Variants in LAMA5 observed in about 807,000 individuals in gnomAD.
LAMA5 encodes the protein laminin subunit alpha 5, also known as laminin subunit alpha-5.
Under a neutral mutation model 433.4 loss-of-function variants are expected in LAMA5, and 260 were observed. The ratio of observed to expected loss-of-function variants is 0.60; its 90% confidence interval spans 0.54 to 0.66. The LOEUF is 0.66. LAMA5 is among the 30% of genes least tolerant of loss of function. The pLI is 0.00. For synonymous variants in LAMA5, 2,620 were observed against 2,226.6 expected (o/e 1.18, Z -4.97); for missense variants, 5,378 against 5,258.5 (o/e 1.02, Z -0.70).
chr20:62,322,449 C>T lies in LAMA5; in HGVS notation c.6166G>A (p.Glu2056Lys). ...VTGRRCDRCQ[E>K]GHFGFDGCGG... ...CAGCCATCGAAACCAAAATGTCCCT[C>T]CTGTGGCACAGGCTGGTCACTGCCC... Residue 2056 changes from glutamate (E) to lysine (K), a missense_variant and splice_region_variant, in exon 47 of 80, where the codon GAG becomes AAG. By Grantham distance (56) the Glu-to-Lys change is moderately conservative. Transcript: ENST00000252999. 6.3e-7 allele frequency: 1 copy of T among 1,581,172 alleles called. No homozygotes were observed. Among genetic ancestry groups the T allele is most frequent in the Non-Finnish European group, 8.6e-7 (1 of 1,164,038 alleles).
rs780626116 is a variant in LAMA5, at chr20:62,324,127, G to T, written c.5721C>A (p.Ser1907Arg). Residue 1907 changes from serine (S) to arginine (R), a missense_variant, in exon 43 of 80, where the codon AGC (serine) becomes AGA (arginine). Ser to Arg is a moderately radical substitution (Grantham distance 110). Transcript: ENST00000252999. The surrounding 1 kb of genome is among the most constrained non-coding windows in gnomAD (Gnocchi z 4.4). ...AGFVSSRDDPSAPCVSCPCPL... is the reference protein window; with the variant it reads ...AGFVSSRDDPRAPCVSCPCPL... ...GGCAGGGGCAGCTGACACAGGGGGC[G>T]CTGGGGTCGTCCCTGCTGCTCACGA... The T allele has an allele frequency of 6.5e-7, 1 of 1,541,106 alleles. No individual in the cohort carries two copies. The highest frequency in any genetic ancestry group is 2.3e-5 in the East Asian group (1 of 43,388).
At chr20:62,316,167 C>T in intron 57 of LAMA5, 109 bp from the exon 58 acceptor site, 1 of 722,722 alleles carries the variant, frequency 1.4e-6, no homozygotes, top group Admixed American at 2.2e-5. Flanking sequence ...ACACAGCAGA[C>T]AGATGGACAG....
intron 57 of LAMA5, 50 bp downstream of exon 57, chr20:62,316,621 G>T: frequency 1.4e-6 from 2 of 1,386,898 alleles, no homozygotes; most frequent in Non-Finnish European, 2.0e-6. Context: ...GTCCCTGGGA[G>T]CTCAGATGCC....
In LAMA5 at chr20:62,334,204, C is replaced by T. The variant is rs1386838441; in HGVS notation, c.2721G>A (p.Ala907=). The T allele has an allele frequency of 1.1e-5, 18 of 1,612,696 alleles. No individual in the cohort carries two copies. Among genetic ancestry groups the T allele is most frequent in the African/African-American group, 2.7e-5 (2 of 74,926 alleles). ...EFENFSWRGY[A]QMAPVQPRIV... ...CGCCCACCTGGACAGGTGCCATCTG[C>T]GCGTAGCCCCTCCAGCTGAAGTTCT... The change falls in exon 22 of 80, where the codon GCG becomes GCA. Residue 907 remains alanine (A), a synonymous_variant. Coordinates refer to ENST00000252999, the MANE Select transcript of LAMA5 (RefSeq NM_005560.6).
Position 62,333,085 on chromosome 20 carries a change from C to A in LAMA5, c.3282+5G>T. ...CATTGCTCCGTGGGGTCCCAGGACA[C>A]GCACATCACTGCCCGTGCAGGTGAT... On this transcript the variant is annotated splice_donor_5th_base_variant and intron_variant, in intron 26 of 79. Coordinates refer to ENST00000252999, the MANE Select transcript of LAMA5 (RefSeq NM_005560.6). The A allele has an allele frequency of 6.7e-7, 1 of 1,497,920 alleles. No homozygotes were observed. Among genetic ancestry groups the A allele is most frequent in the East Asian group, 2.3e-5 (1 of 43,130 alleles). 92.8% of individuals were successfully genotyped at this position (1,497,920 alleles called of 1,614,324 possible).
Position 62,318,924 on chromosome 20 carries a change from G to C in LAMA5, c.6961C>G (p.Arg2321Gly). The change falls in exon 52 of 80, where the codon CGG (arginine) becomes GGG (glycine). Residue 2321 changes from arginine to glycine, a missense_variant. Physicochemically the swap from Arg to Gly is moderately radical, Grantham distance 125. Coordinates refer to ENST00000252999, the MANE Select transcript of LAMA5 (RefSeq NM_005560.6). ...QLLRTLAEVE[R>G]LLWEMRARDL... ...CGGGCCCGCATCTCCCAGAGCAGCCGCTCCACCTCGGCCAGTGTCCGGAGC... is the reference window on the plus strand; with the variant it reads ...CGGGCCCGCATCTCCCAGAGCAGCCCCTCCACCTCGGCCAGTGTCCGGAGC... The C allele has an allele frequency of 6.2e-7, 1 of 1,601,346 alleles. No homozygotes were observed. The highest frequency in any genetic ancestry group is 8.5e-7 in the Non-Finnish European group (1 of 1,176,304).
At chr20:62,326,011 A>G (rs1439932769) in intron 40 of LAMA5, among the ~76,000 whole-genome samples, 1 of 152,130 alleles carries the variant, frequency 6.6e-6, no homozygotes, top group Non-Finnish European at 1.5e-5. Flanking sequence ...ACCTGAAGTC[A>G]GGAGTTCGAG....
chr20:62,318,878 G>T lies in LAMA5; in HGVS notation c.7007C>A (p.Ala2336Glu). Residue 2336 changes from alanine to glutamate, a missense_variant, in exon 52 of 80, where the codon GCA becomes GAA. Physicochemically the swap from Ala to Glu is moderately radical, Grantham distance 107. Coordinates refer to ENST00000252999, the MANE Select transcript of LAMA5 (RefSeq NM_005560.6). Reference protein sequence around the residue: ...MRARDLGAPQAAAEAELAAAQ... With the variant: ...MRARDLGAPQEAAEAELAAAQ... ...TGCAGCCAACTCAGCCTCAGCTGCT[G>T]CCTGCGGGGCCCCCAGGTCCCGGGC... 6.2e-7 allele frequency: 1 copy of T among 1,609,144 alleles called. No individual in the cohort carries two copies. The highest frequency in any genetic ancestry group is 8.5e-7 in the Non-Finnish European group (1 of 1,179,138).
Position 62,333,263 on chromosome 20 carries a change from G to A in LAMA5, c.3129-20C>T, listed in dbSNP as rs548066533. The A allele has an allele frequency of 2.9e-5, 46 of 1,563,714 alleles. 1 individual carries two copies. Among genetic ancestry groups the A allele is most frequent in the South Asian group, 2.0e-4 (17 of 83,446 alleles). On this transcript the variant is annotated intron_variant, in intron 25 of 79. Coordinates refer to ENST00000252999, the MANE Select transcript of LAMA5 (RefSeq NM_005560.6). ...AGGCAGCTGGGGGGACACAGGCCGT[G>A]GTCAGCCCCAGGTCCACCCAGGTCC...
At chr20:62,330,117 C>A (rs1004472343) in intron 31 of LAMA5, among the ~76,000 whole-genome samples, 1 of 152,236 alleles carries the variant, frequency 6.6e-6, no homozygotes, top group Admixed American at 6.5e-5. Context: ...AGATGTCATG[C>A]GGGACACCTC....
chr20:62,310,028 G>A lies in LAMA5; in HGVS notation c.10788C>T (p.Arg3596=), dbSNP rs1293991585. Residue 3596 remains arginine, a synonymous_variant, in exon 78 of 80, where the codon CGC becomes CGT. Transcript: ENST00000252999. ...GAGEFSTSVT[R]PSVLCDGQWH... is the part of the protein sequence containing the mutation. ...ACTGGCCATCACACAGCACTGAGGG[G>A]CGGGTCACTGACGTGGAGAACTCCC... 1.9e-6 allele frequency: 3 copies of A among 1,611,406 alleles called. No individual in the cohort carries two copies. The highest frequency in any genetic ancestry group is 2.2e-5 in the South Asian group (2 of 91,074).
Position 62,328,524 on chromosome 20 carries a change from G to A in LAMA5, c.4448-79C>T, listed in dbSNP as rs972428193. 27 of 1,378,072 alleles carry A rather than the reference G, an allele frequency of 2.0e-5. No homozygotes were observed. The Admixed American group carries it at 2.0e-4, about 10-fold the overall frequency. The allele number at this position is 1,378,072 out of a possible 1,614,324, so 85.4% of individuals were successfully genotyped here. ...AGAGGCCCAGAATGCAGCCCTAGGGGATGTGGCAGTGTGACGGGGGCGGGG... is the reference window on the plus strand; with the variant it reads ...AGAGGCCCAGAATGCAGCCCTAGGGAATGTGGCAGTGTGACGGGGGCGGGG... On this transcript the variant is annotated intron_variant, in intron 34 of 79. Coordinates refer to ENST00000252999, the MANE Select transcript of LAMA5 (RefSeq NM_005560.6).
At position 62,325,115 on chromosome 20, in the gene LAMA5, G is replaced by GATGAGGGGCAGGCA. The variant is rs1979034806; in HGVS notation, c.5529+200_5529+201insTGCCTGCCCCTCAT. The GATGAGGGGCAGGCA allele has an allele frequency of 2.3e-4, 125 of 538,552 alleles. 1 individual carries two copies. The highest frequency in any genetic ancestry group is 4.8e-4 in the Middle Eastern group (1 of 2,072). The allele number at this position is 538,552 out of a possible 1,614,324, so 33.4% of individuals were successfully genotyped here. On this transcript the variant is annotated intron_variant, in intron 41 of 79. Coordinates refer to ENST00000252999, the MANE Select transcript of LAMA5 (RefSeq NM_005560.6). ...GCAGGCGGATGAGGGGCAGGCAGGC[G>GATGAGGGGCAGGCA]GACGAGGGGCAGGCAGACAGGCAGC... is the stretch of plus-strand genomic sequence containing the variant.
At chr20:62,318,350 G>A in intron 53 of LAMA5, 104 bp downstream of exon 53, 3 of 601,646 alleles carry the variant, frequency 5.0e-6, no homozygotes, top group African/African-American at 4.8e-5. Context: ...AGGACGGAGG[G>A]AGGGGAGGAC....
At chr20:62,358,479 T>A (rs1217541352) in intron 2 of LAMA5, among the ~76,000 whole-genome samples, 1 of 152,160 alleles carries the variant, frequency 6.6e-6, no homozygotes, top group Non-Finnish European at 1.5e-5. Context: ...ACTGGCCACA[T>A]GGCTGAGTGC....
At chr20:62,314,263 C>T in intron 62 of LAMA5, 41 bp downstream of exon 62, 1 of 1,600,054 alleles carries the variant, frequency 6.2e-7, no homozygotes, top group Non-Finnish European at 8.5e-7. Flanking sequence ...GGCAAGGGCC[C>T]TGCAGTTGGA....
rs764947626 is a variant in LAMA5, at chr20:62,314,849, T to C, written c.8146A>G (p.Ile2716Val). 6.2e-7 allele frequency: 1 copy of C among 1,612,734 alleles called. No individual in the cohort carries two copies. Among genetic ancestry groups the C allele is most frequent in the East Asian group, 2.2e-5 (1 of 44,886 alleles). ...GCAATGAGCTCTCGCACGCGGCCAATGCTGGCGGACAGGGCCAGGCTGGCG... is the reference window on the plus strand; with the variant it reads ...GCAATGAGCTCTCGCACGCGGCCAACGCTGGCGGACAGGGCCAGGCTGGCG... Reference protein sequence around the residue: ...HNASLALSASIGRVRELIAQA... With the variant: ...HNASLALSASVGRVRELIAQA... Residue 2716 changes from isoleucine to valine, a missense_variant, in exon 60 of 80, where the codon ATT (isoleucine) becomes GTT (valine). Physicochemically the swap from Ile to Val is conservative, Grantham distance 29 (BLOSUM62 3). Coordinates refer to ENST00000252999, the MANE Select transcript of LAMA5 (RefSeq NM_005560.6).
In LAMA5 at chr20:62,318,844, T is replaced by C. The variant is rs2146092907; in HGVS notation, c.7041A>G (p.Arg2347=). ...AAEAELAAAQ[R]LLARVQEQLS... is the part of the protein sequence containing the mutation. ...CCTGCCAGGGACAACACCACTCACA[T>C]CTCTGTGCTGCAGCCAACTCAGCCT... is the stretch of plus-strand genomic sequence containing the variant. Residue 2347 remains arginine (R), a splice_region_variant and synonymous_variant, in exon 52 of 80, where the codon AGA becomes AGG. Coordinates refer to ENST00000252999, the MANE Select transcript of LAMA5 (RefSeq NM_005560.6). 1 of 1,609,976 alleles carries C rather than the reference T, an allele frequency of 6.2e-7. No individual in the cohort carries two copies. The highest frequency in any genetic ancestry group is 2.2e-5 in the East Asian group (1 of 44,844).
chr20:62,309,443 A>T lies in LAMA5; in HGVS notation c.10981T>A (p.Tyr3661Asn). Reference protein sequence around the residue: ...PMAVQPWPPAYCGCMRRLAVN... With the variant: ...PMAVQPWPPANCGCMRRLAVN... Reference sequence around the variant, plus strand: ...GCCAGCCTCCTCATGCAGCCGCAGTAGGCGGGGGGCCAGGGCTGCACGGCC... The same window carrying T: ...GCCAGCCTCCTCATGCAGCCGCAGTTGGCGGGGGGCCAGGGCTGCACGGCC... Residue 3661 changes from tyrosine to asparagine, a missense_variant, in exon 80 of 80, where the codon TAC (tyrosine) becomes AAC (asparagine). Transcript: ENST00000252999. 1.3e-6 allele frequency: 2 copies of T among 1,577,838 alleles called. No homozygotes were observed. Among genetic ancestry groups the T allele is most frequent in the Non-Finnish European group, 1.7e-6 (2 of 1,170,366 alleles).
Sources: allele counts gnomAD v4.1 joint callset (sites outside exome capture counted in the v4.1 genomes callset), GRCh38; gene constraint gnomAD v4.1.1; non-coding constraint Gnocchi (gnomAD v3.1); transcripts MANE v1.5; gene names NCBI Gene and HGNC (gene_info 2026-07-23, HGNC 2026-07-21).